PIK3CB: variants seen among roughly 807,000 people sequenced by gnomAD.
The protein encoded by PIK3CB is phosphatidylinositol 4,5-bisphosphate 3-kinase catalytic subunit beta isoform.
Under a neutral mutation model 136.8 loss-of-function variants are expected in PIK3CB, and 39 were observed. That is an observed-to-expected ratio of 0.29 (90% confidence interval 0.22 to 0.37). The LOEUF (loss-of-function observed/expected upper bound fraction) is 0.37, where lower values mean the gene tolerates loss of function less well. PIK3CB is among the 10% of genes least tolerant of loss of function. PIK3CB has a pLI of 1.00. For synonymous variants in PIK3CB, 428 were observed against 436.6 expected, an observed-to-expected ratio of 0.98 and a Z score of 0.25; for missense variants, 868 against 1,275.4, an observed-to-expected ratio of 0.68 and a Z score of 4.87.
At chr3:138,749,716 T>C (rs1016257518) in intron 4 of PIK3CB, among the ~76,000 whole-genome samples, 31 of 152,212 alleles carry the variant, frequency 2.0e-4, no homozygotes, top group African/African-American at 6.8e-4. Flanking sequence ...ACCTGCCAAA[T>C]TCCTAATCAG....
chr3:138,664,174 C>A, intron 20 of PIK3CB, 145 bp from the exon 21 acceptor site: 1 of 904,404 alleles, frequency 1.1e-6, no homozygotes, highest in Non-Finnish European at 1.7e-6. Context: ...TGTGGATCAG[C>A]CAAGGGGAGT....
intron 2 of PIK3CB, among the ~76,000 whole-genome samples, chr3:138,764,132 C>A (rs974366947): frequency 7.6e-5 from 11 of 145,580 alleles, no homozygotes; most frequent in Non-Finnish European, 1.4e-4. Context: ...AAAAAAAATT[C>A]TTGATGAAAT....
At chr3:138,762,968 C>A (rs1452308843) in intron 2 of PIK3CB, among the ~76,000 whole-genome samples, 1 of 151,600 alleles carries the variant, frequency 6.6e-6, no homozygotes, top group East Asian at 1.9e-4. Context: ...TCAAAAAAAA[C>A]AAAACAACAA....
intron 8 of PIK3CB, among the ~76,000 whole-genome samples, chr3:138,727,056 CA>C (rs557477112): frequency 6.6e-6 from 1 of 151,640 alleles, no homozygotes; most frequent in African/African-American, 2.4e-5. Context: ...TTTAAAAAAA[CA>C]AAAAACAAAC....
chr3:138,813,669 G>A (rs868741419), intron 1 of PIK3CB, among the ~76,000 whole-genome samples: 6 of 151,884 alleles, frequency 4.0e-5, no homozygotes, highest in African/African-American at 1.2e-4. Flanking sequence ...TGCCCGCCTC[G>A]GTCTCCCAAA....
chr3:138,677,502 TA>T (rs2043672800), intron 19 of PIK3CB, among the ~76,000 whole-genome samples: 1 of 152,198 alleles, frequency 6.6e-6, no homozygotes, highest in Admixed American at 6.5e-5. Context: ...ACGAATAATA[TA>T]AGGAGTTGTT....
chr3:138,816,923 G>A (rs772933170), intron 1 of PIK3CB, among the ~76,000 whole-genome samples: 5 of 152,118 alleles, frequency 3.3e-5, no homozygotes, highest in East Asian at 1.9e-4. Flanking sequence ...GTAATTGGCC[G>A]GGCGCCGTGG....
chr3:138,788,964 C>CAAAAAAAAAAAAAA lies in PIK3CB; in HGVS notation c.-17+7485_-17+7498dup, dbSNP rs57432821. 7.7e-4 allele frequency among the ~76,000 whole-genome samples: 69 copies of CAAAAAAAAAAAAAA among 89,482 alleles called. 1 individual carries two copies. The highest frequency in any genetic ancestry group is 1.3e-3 in the African/African-American group (29 of 21,654). The allele number at this position is 89,482 out of a possible 152,430, so 58.7% of individuals were successfully genotyped here. A position where few individuals can be genotyped will look rare whatever the true frequency, so the allele number is the denominator to read the frequency against. On this transcript the variant is annotated intron_variant, in intron 2 of 23. Transcript: ENST00000674063. ...GGGGGAAAAGAGAGAGACTTCGTCT[C>CAAAAAAAAAAAAAA]AAAAAAAAAAAAAAAAAAAAAAAAA...
At chr3:138,762,507 G>A (rs1329106434) in intron 2 of PIK3CB, among the ~76,000 whole-genome samples, 1 of 152,140 alleles carries the variant, frequency 6.6e-6, no homozygotes. Context: ...AAACTACACA[G>A]TCACTACACA....
chr3:138,718,156 T>C (rs1220647077), intron 8 of PIK3CB, among the ~76,000 whole-genome samples: 1 of 152,166 alleles, frequency 6.6e-6, no homozygotes, highest in Non-Finnish European at 1.5e-5. Context: ...CCACCAGCAG[T>C]GTGTATGTGT....
chr3:138,672,029 G>A (rs954288741), intron 19 of PIK3CB, among the ~76,000 whole-genome samples: 4 of 152,040 alleles, frequency 2.6e-5, no homozygotes, highest in Admixed American at 2.6e-4. Flanking sequence ...TGGTACTGTG[G>A]TGTGCCTGGG....
chr3:138,734,566 G>T, intron 7 of PIK3CB, 68 bp downstream of exon 7: 1 of 1,223,714 alleles, frequency 8.2e-7, no homozygotes, highest in South Asian at 1.6e-5. Flanking sequence ...AAATATGTGT[G>T]AAACTTATGT....
In PIK3CB at chr3:138,683,600, CA is replaced by C. The variant is rs1356485608; in HGVS notation, c.2425+77del. 3 of 796,766 alleles carry C rather than the reference CA, an allele frequency of 3.8e-6. No homozygotes were observed. In the African/African-American group the frequency reaches 5.1e-5, roughly 13 times the overall value. The allele number at this position is 796,766 out of a possible 1,614,324, so 49.4% of individuals were successfully genotyped here. On this transcript the variant is annotated intron_variant, in intron 18 of 23. Coordinates refer to ENST00000674063, the MANE Select transcript of PIK3CB (RefSeq NM_006219.3). Reference sequence around the variant, plus strand: ...CAAATTGTTACACACTTACACTACACATCACCTTTCAGATAAAGCAAAATGG... The same window carrying C: ...CAAATTGTTACACACTTACACTACACTCACCTTTCAGATAAAGCAAAATGG...
In PIK3CB at chr3:138,663,925, A is replaced by G. The variant is rs1349731012; in HGVS notation, c.2777T>C (p.Met926Thr). ...GCTCACCTGGCCAGTTTTTTTGACC[A>G]TGATGTTGTCACTATGTCTGTCACC... ...GIGDRHSDNIMVKKTGQLFHI... is the reference protein window; with the variant it reads ...GIGDRHSDNITVKKTGQLFHI... The change falls in exon 21 of 24, where the codon ATG (methionine) becomes ACG (threonine). Residue 926 changes from methionine (M) to threonine (T), a missense_variant. Physicochemically the swap from Met to Thr is moderately conservative, Grantham distance 81. Transcript: ENST00000674063. The G allele has an allele frequency of 3.1e-6, 5 of 1,613,886 alleles. No individual in the cohort carries two copies. The highest frequency in any genetic ancestry group is 1.7e-4 in the Middle Eastern group (1 of 6,058).
At chr3:138,816,721 T>A (rs971587522) in intron 1 of PIK3CB, among the ~76,000 whole-genome samples, 1 of 152,160 alleles carries the variant, frequency 6.6e-6, no homozygotes, top group Non-Finnish European at 1.5e-5. Context: ...ACCCTCACTG[T>A]GAGTCACCAA....
intron 1 of PIK3CB, among the ~76,000 whole-genome samples, chr3:138,824,562 A>G (rs1290906281): frequency 6.6e-6 from 1 of 152,052 alleles, no homozygotes; most frequent in Non-Finnish European, 1.5e-5. Flanking sequence ...TGGGAGGCCC[A>G]GGCAGGTGGA....
chr3:138,680,437 AT>A (rs749951656), intron 19 of PIK3CB, among the ~76,000 whole-genome samples: 49 of 152,286 alleles, frequency 3.2e-4, no homozygotes, highest in African/African-American at 8.9e-4. Flanking sequence ...TTATAAAAAA[AT>A]ATGTGGTAAT....
intron 2 of PIK3CB, among the ~76,000 whole-genome samples, chr3:138,780,869 G>A (rs1228815028): frequency 6.6e-6 from 1 of 151,868 alleles, no homozygotes; most frequent in East Asian, 1.9e-4. Context: ...TTTTTTTGTA[G>A]AGACAGGGTA....
chr3:138,705,672 T>C (rs989121986), intron 11 of PIK3CB, among the ~76,000 whole-genome samples: 4 of 152,228 alleles, frequency 2.6e-5, no homozygotes, highest in African/African-American at 9.6e-5. Context: ...TAAGTATTTA[T>C]AAAGTATAAT....
Sources: allele counts gnomAD v4.1 joint callset (sites outside exome capture counted in the v4.1 genomes callset), GRCh38; gene constraint gnomAD v4.1.1; transcripts MANE v1.5; gene names NCBI Gene and HGNC (gene_info 2026-07-23, HGNC 2026-07-21).